Variants in PFKP observed in about 807,000 individuals in gnomAD.
PFKP encodes phosphofructokinase, platelet.
A neutral mutation model predicts 94.3 loss-of-function variants in PFKP; 101 were observed. The observed-to-expected ratio is 1.07, with a 90% CI of 0.91 to 1.26. The LOEUF (loss-of-function observed/expected upper bound fraction) is 1.26. PFKP is among the 50% of genes most tolerant of loss of function. The probability of loss-of-function intolerance (pLI) is 0.00; values close to 1 mark genes in which losing one functional copy is unlikely to be tolerated. For missense variants in PFKP, 1,145 were observed against 1,103.3 expected, an observed-to-expected ratio of 1.04 and a Z score of -0.53; for synonymous variants, 573 against 432.6, an observed-to-expected ratio of 1.32 and a Z score of -4.03.
intron 13 of PFKP, among the ~76,000 whole-genome samples, chr10:3,115,314 A>AGGTGTGTGTCCCGCCGCGG (rs1836682377): frequency 6.7e-6 from 1 of 149,618 alleles, no homozygotes; most frequent in African/African-American, 2.5e-5. Flanking sequence ...GCTGGGGTGA[A>AGGTGTGTGTCCCGCCGCGG]AGTGTGTGTC....
intron 2 of PFKP, among the ~76,000 whole-genome samples, chr10:3,091,015 A>T (rs1834003707): frequency 6.6e-6 from 1 of 152,100 alleles, no homozygotes; most frequent in Non-Finnish European, 1.5e-5. Flanking sequence ...TAACCTGGGA[A>T]CAGTGGCGTT....
intron 14 of PFKP, 101 bp from the exon 15 acceptor site, chr10:3,118,681 C>A (rs931115778): frequency 1.1e-5 from 8 of 747,242 alleles, no homozygotes; most frequent in Non-Finnish European, 1.6e-5. Context: ...TAATTAAAAC[C>A]ACAGACTGGG....
intron 16 of PFKP, among the ~76,000 whole-genome samples, chr10:3,128,790 C>T (rs2279206): frequency 0.24 from 37,222 of 152,110 alleles, 4,616 homozygotes; most frequent in East Asian, 0.3. Flanking sequence ...TCCCAGGTTC[C>T]AGGGATTAGG....
intron 1 of PFKP, among the ~76,000 whole-genome samples, chr10:3,077,498 C>T (rs1832711553): frequency 6.6e-6 from 1 of 151,742 alleles, no homozygotes; most frequent in African/African-American, 2.4e-5. Flanking sequence ...GATCTCCTGA[C>T]CTCGTGATCC....
intron 1 of PFKP, among the ~76,000 whole-genome samples, chr10:3,076,591 C>G (rs1426763887): frequency 2.0e-5 from 3 of 152,106 alleles, no homozygotes; most frequent in Admixed American, 2.0e-4. Flanking sequence ...GCACTTACGG[C>G]CATCCATCCA....
intron 19 of PFKP, 77 bp downstream of exon 19, chr10:3,133,391 A>C: frequency 1.1e-6 from 1 of 928,764 alleles, no homozygotes; most frequent in South Asian, 1.3e-5. Flanking sequence ...TATTTTAGCC[A>C]TTGTGGGGAA....
In PFKP at chr10:3,123,488, C is replaced by T. The variant is rs1325402899; in HGVS notation, c.1683+3444C>T. ...AGGATTTGCAGCATTGTGGCTGTCC[C>T]CACAGATTTCAATGTGGAGTTAAGC... On this transcript the variant is annotated intron_variant, in intron 16 of 21. Coordinates refer to ENST00000381125, the MANE Select transcript of PFKP (RefSeq NM_002627.5). Among the ~76,000 whole-genome samples the T allele has an allele frequency of 7.2e-5, 11 of 152,178 alleles. No individual in the cohort carries two copies. In the East Asian group the frequency reaches 1.9e-3, roughly 27 times the overall value.
At chr10:3,093,998 TC>T (rs1834285839) in intron 2 of PFKP, among the ~76,000 whole-genome samples, 1 of 152,210 alleles carries the variant, frequency 6.6e-6, no homozygotes, top group Non-Finnish European at 1.5e-5. Context: ...GCTGAATTCT[TC>T]ATGTATGATC....
chr10:3,084,405 C>A (rs1014819230), intron 2 of PFKP, among the ~76,000 whole-genome samples: 1 of 152,048 alleles, frequency 6.6e-6, no homozygotes, highest in Non-Finnish European at 1.5e-5. Flanking sequence ...TCTGTGTATC[C>A]ATTTGTTTAT....
chr10:3,072,185 G>A (rs1052929653), intron 1 of PFKP, among the ~76,000 whole-genome samples: 4 of 152,224 alleles, frequency 2.6e-5, no homozygotes, highest in African/African-American at 7.2e-5. Flanking sequence ...CTAATTAAAA[G>A]TATCCAATAT....
intron 17 of PFKP, among the ~76,000 whole-genome samples, chr10:3,131,613 C>T (rs1056259856): frequency 3.9e-5 from 6 of 152,070 alleles, no homozygotes; most frequent in South Asian, 2.1e-4. Flanking sequence ...CCTGCCACCA[C>T]GCCTGGCTAA....
intron 16 of PFKP, among the ~76,000 whole-genome samples, chr10:3,123,757 G>T (rs181350565): frequency 1.5e-4 from 23 of 152,264 alleles, no homozygotes; most frequent in African/African-American, 5.5e-4. Context: ...GCCAGCCAGT[G>T]CCCCGACATG....
chr10:3,125,104 A>G, intron 16 of PFKP: 12 of 1,304,400 alleles, frequency 9.2e-6, no homozygotes, highest in East Asian at 5.3e-5. Context: ...CAGGCTTACA[A>G]GAGTGCGTGC....
intron 14 of PFKP, among the ~76,000 whole-genome samples, chr10:3,118,087 G>A (rs1401695764): frequency 6.6e-6 from 1 of 152,228 alleles, no homozygotes; most frequent in East Asian, 1.9e-4. Flanking sequence ...GAGCATGGGG[G>A]AGGGAGAGCA....
intron 2 of PFKP, among the ~76,000 whole-genome samples, chr10:3,089,496 A>G (rs893719060): frequency 6.6e-6 from 1 of 151,946 alleles, no homozygotes; most frequent in Non-Finnish European, 1.5e-5. Context: ...GGGGAGTTCT[A>G]TGCATGTCAT....
intron 2 of PFKP, among the ~76,000 whole-genome samples, chr10:3,095,155 G>T (rs1471131461): frequency 1.6e-5 from 2 of 122,316 alleles, no homozygotes; most frequent in Non-Finnish European, 2.0e-5. Context: ...AAAGCCTACT[G>T]CTGCAACACA....
intron 2 of PFKP, among the ~76,000 whole-genome samples, chr10:3,089,363 C>T (rs1028984508): frequency 1.3e-5 from 2 of 152,140 alleles, no homozygotes; most frequent in Non-Finnish European, 2.9e-5. Flanking sequence ...CATTTATCCG[C>T]TGACGGGCGC....
intron 1 of PFKP, among the ~76,000 whole-genome samples, chr10:3,080,802 GAGGGAGTC>G (rs1285899731): frequency 6.6e-6 from 1 of 152,216 alleles, no homozygotes; most frequent in African/African-American, 2.4e-5. Flanking sequence ...GCTCATGTCA[GAGGGAGTC>G]AGGGAGTCGG....
At chr10:3,126,240 G>A (rs957112486) in intron 16 of PFKP, among the ~76,000 whole-genome samples, 2 of 152,224 alleles carry the variant, frequency 1.3e-5, no homozygotes, top group Admixed American at 1.3e-4. Context: ...CTTCCTGTGA[G>A]TCCGAGCCTC....
Sources: allele counts gnomAD v4.1 joint callset (sites outside exome capture counted in the v4.1 genomes callset), GRCh38; gene constraint gnomAD v4.1.1; transcripts MANE v1.5; gene names NCBI Gene and HGNC (gene_info 2026-07-23, HGNC 2026-07-21).